The following COL5A1 variants were observed in gnomAD, a reference collection of about 807,000 sequenced individuals.
The protein encoded by COL5A1 is collagen type V alpha 1 chain.
COL5A1 carries 16 observed loss-of-function variants against 263.7 expected under a neutral mutation model. That is an observed-to-expected ratio of 0.06 (90% CI 0.04 to 0.09). The LOEUF (loss-of-function observed/expected upper bound fraction) is 0.09, where lower values mean the gene tolerates loss of function less well. COL5A1 is among the 10% of genes least tolerant of loss of function. COL5A1 has a pLI of 1.00. For missense variants in COL5A1, 2,036 were observed against 2,540.5 expected (o/e 0.80, Z 4.27); for synonymous variants, 1,012 against 1,004.5 (o/e 1.01, Z -0.14).
chr9:134,686,071 C>CATCCTAT lies in COL5A1; in HGVS notation c.110-4841_110-4840insATCCTAT, dbSNP rs1833071537. On this transcript the variant is annotated intron_variant, in intron 1 of 65. Transcript: ENST00000371817. The surrounding 1 kb of genome is among the most constrained non-coding windows in gnomAD (Gnocchi z 4.6). ...TTTATCCACTATCCATCCATTCATC[C>CATCCTAT]GTCCATCCTGCATGTCTGTGTTGAG... 6.6e-6 allele frequency among the ~76,000 whole-genome samples: 1 copy of CATCCTAT among 152,214 alleles called. No individual in the cohort carries two copies. The highest frequency in any genetic ancestry group is 1.9e-4 in the East Asian group (1 of 5,204).
intron 13 of COL5A1, 67 bp from the exon 14 acceptor site, chr9:134,752,522 C>T: frequency 2.4e-6 from 3 of 1,241,544 alleles, no homozygotes; most frequent in Non-Finnish European, 3.6e-6. Context: ...TCTCACGGCT[C>T]AGGCGCCAGC....
At chr9:134,760,339 ACACCCC>A (rs1836312810) in intron 18 of COL5A1, among the ~76,000 whole-genome samples, 1 of 75,470 alleles carries the variant, frequency 1.3e-5, no homozygotes. Flanking sequence ...ACATGCACAC[ACACCCC>A]CACACACCCC....
In COL5A1 at chr9:134,730,060, C is replaced by T. The variant is rs1834821228; in HGVS notation, c.925-176C>T. On this transcript the variant is annotated intron_variant, in intron 6 of 65. Coordinates refer to ENST00000371817, the MANE Select transcript of COL5A1 (RefSeq NM_000093.5). ...GCCTTCTTCCCACTTGCTCTGCCCC[C>T]AAGCCCCATGGATGGGGGCGGCCCC... Among the ~76,000 whole-genome samples the T allele has an allele frequency of 2.0e-5, 3 of 152,182 alleles. No homozygotes were observed. In the South Asian group the frequency reaches 6.2e-4, roughly 31 times the overall value.
chr9:134,720,089 C>T (rs1177793981), intron 4 of COL5A1, among the ~76,000 whole-genome samples: 1 of 152,168 alleles, frequency 6.6e-6, no homozygotes, highest in Non-Finnish European at 1.5e-5. Flanking sequence ...TCCTGGGGTG[C>T]CTCAGTGCCT....
chr9:134,695,169 C>T (rs948385455), intron 2 of COL5A1, among the ~76,000 whole-genome samples: 1 of 152,152 alleles, frequency 6.6e-6, no homozygotes, highest in African/African-American at 2.4e-5. Context: ...TTCCTCCGTA[C>T]CCCTCTTCAG....
rs1409895383 is a variant in COL5A1, at chr9:134,730,414, C to G, written c.1103C>G (p.Thr368Arg). ...GEGEENPDQP[T>R]DPGAGAEIPT... ...GGGGAGGAGAACCCCGACCAGCCCA[C>G]AGACCCAGGCGCTGGGGCCGAAATT... Residue 368 changes from threonine to arginine, a missense_variant, in exon 7 of 66, where the codon ACA (threonine) becomes AGA (arginine). This residue lies in a region of COL5A1 where 600 missense variants were observed against 634.5 expected (regional missense o/e 0.95). Transcript: ENST00000371817. 1 of 1,614,106 alleles carries G rather than the reference C, an allele frequency of 6.2e-7. No individual in the cohort carries two copies. Among genetic ancestry groups the G allele is most frequent in the East Asian group, 2.2e-5 (1 of 44,906 alleles).
rs1345262513 is a variant in COL5A1 at position 134,809,186 on chromosome 9, G to A, written c.3370G>A (p.Glu1124Lys). 8 of 1,579,664 alleles carry A rather than the reference G, an allele frequency of 5.1e-6. No individual in the cohort carries two copies. The highest frequency in any genetic ancestry group is 2.7e-5 in the African/African-American group (2 of 74,272). Residue 1124 changes from glutamate to lysine, a missense_variant, in exon 43 of 66, where the codon GAG becomes AAG. Around this residue, in one of 3 missense-constraint regions of COL5A1, gnomAD observed 1,078 missense variants for 1,521.4 expected, o/e 0.71. Transcript: ENST00000371817. ...TGAGATCTTCTGTATTCTCTAGGGC[G>A]AGAAAGGCCCACAAGGCCCAGCTGG... ...GPAGEKGAPG[E>K]KGPQGPAGRD...
At chr9:134,834,144 TC>T (rs1462161011) in intron 64 of COL5A1, among the ~76,000 whole-genome samples, 1 of 152,046 alleles carries the variant, frequency 6.6e-6, no homozygotes, top group Non-Finnish European at 1.5e-5. Context: ...CTCTAAGACC[TC>T]CTCCTCTCAC....
At chr9:134,759,756 C>G (rs1320726592) in intron 18 of COL5A1, among the ~76,000 whole-genome samples, 1 of 116,876 alleles carries the variant, frequency 8.6e-6, no homozygotes, top group African/African-American at 3.5e-5. Context: ...CACATGCACA[C>G]ACACCCACGC....
chr9:134,682,285 T>C lies in COL5A1; in HGVS notation c.110-8627T>C, dbSNP rs1302901680. Among the ~76,000 whole-genome samples the C allele has an allele frequency of 6.6e-6, 1 of 152,160 alleles. No individual in the cohort carries two copies. The highest frequency in any genetic ancestry group is 2.4e-5 in the African/African-American group (1 of 41,440). On this transcript the variant is annotated intron_variant, in intron 1 of 65. Coordinates refer to ENST00000371817, the MANE Select transcript of COL5A1 (RefSeq NM_000093.5). The surrounding 1 kb of genome is among the most constrained non-coding windows in gnomAD (Gnocchi z 5.1). ...CTAGTGCCTCGCCTTCCCCCAGCCA[T>C]GCTGCCTGGAGGCCGGGTCCTGAGC...
At position 134,817,728 on chromosome 9, in the gene COL5A1, C is replaced by A. The variant is rs542390760; in HGVS notation, c.4177-50C>A. 7.6e-6 allele frequency: 12 copies of A among 1,576,394 alleles called. No homozygotes were observed. The African/African-American group carries it at 1.6e-4, about 21-fold the overall frequency. ...AGCGCCTGCACCCGAGCTCGTCCCT[C>A]CACCCCTGCAGGCCACACTCACCAC... is the stretch of plus-strand genomic sequence containing the variant. On this transcript the variant is annotated intron_variant, in intron 53 of 65. Coordinates refer to ENST00000371817, the MANE Select transcript of COL5A1 (RefSeq NM_000093.5).
In COL5A1 at chr9:134,716,010, ATGT is replaced by A. The variant is rs1834249247; in HGVS notation, c.655-11254_655-11252del. Among the ~76,000 whole-genome samples, 1 of 150,666 alleles carries A rather than the reference ATGT, an allele frequency of 6.6e-6. No homozygotes were observed. Among genetic ancestry groups the A allele is most frequent in the Non-Finnish European group, 1.5e-5 (1 of 67,714 alleles). On this transcript the variant is annotated intron_variant, in intron 4 of 65. Coordinates refer to ENST00000371817, the MANE Select transcript of COL5A1 (RefSeq NM_000093.5). The surrounding 1 kb of genome is among the most constrained non-coding windows in gnomAD (Gnocchi z 4.5). ...GGTGGTGGTGGTGGTGGTGGTGATG[ATGT>A]TAGTAGTGTGTTGGTTCTATGGTTT...
intron 5 of COL5A1, 151 bp downstream of exon 5, chr9:134,727,548 G>A (rs1834706680): frequency 1.2e-6 from 1 of 844,834 alleles, no homozygotes; most frequent in Non-Finnish European, 1.9e-6. Flanking sequence ...TGGGATATCT[G>A]ACTCACTTTA....
chr9:134,648,650 C>G (rs920282070), intron 1 of COL5A1, among the ~76,000 whole-genome samples: 1 of 152,226 alleles, frequency 6.6e-6, no homozygotes, highest in African/African-American at 2.4e-5. Flanking sequence ...CCCTTGCCAC[C>G]AGGGGCCCCA....
intron 4 of COL5A1, among the ~76,000 whole-genome samples, chr9:134,722,029 C>T (rs1834481797): frequency 6.6e-6 from 1 of 152,264 alleles, no homozygotes; most frequent in South Asian, 2.1e-4. Flanking sequence ...TTCTCCTTCT[C>T]CACGGGGGTG....
chr9:134,654,544 TG>T (rs1248139256), intron 1 of COL5A1, among the ~76,000 whole-genome samples: 73 of 99,088 alleles, frequency 7.4e-4, no homozygotes, highest in South Asian at 2.0e-3. Flanking sequence ...TGTGTAGGGC[TG>T]GGTGTGTGTA....
intron 1 of COL5A1, among the ~76,000 whole-genome samples, chr9:134,666,120 AAGAC>A (rs1234028722): frequency 3.3e-5 from 5 of 152,150 alleles, no homozygotes; most frequent in Non-Finnish European, 5.9e-5. Context: ...AAAAAGGACA[AAGAC>A]AGGAAACAAG....
At position 134,738,370 on chromosome 9, in the gene COL5A1, C is replaced by T. The variant is rs1002448975; in HGVS notation, c.1390-104C>T. ...CTCCCCAGGACAGCAGGAGCTGAGC[C>T]AGGGCCTCTTGTGCATGCAGCTGAA... is the stretch of plus-strand genomic sequence containing the variant. On this transcript the variant is annotated intron_variant, in intron 9 of 65. Transcript: ENST00000371817. 4 of 1,304,928 alleles carry T rather than the reference C, an allele frequency of 3.1e-6. No individual in the cohort carries two copies. In the Admixed American group the frequency reaches 5.2e-5, roughly 17 times the overall value. The allele number at this position is 1,304,928 out of a possible 1,614,324, so 80.8% of individuals were successfully genotyped here. A position where few individuals can be genotyped will look rare whatever the true frequency, so the allele number is the denominator to read the frequency against.
intron 24 of COL5A1, among the ~76,000 whole-genome samples, chr9:134,767,766 C>A (rs1344795757): frequency 1.3e-5 from 2 of 152,114 alleles, no homozygotes; most frequent in Non-Finnish European, 2.9e-5. Flanking sequence ...TGTCCTAGGC[C>A]CTGGAACGAG....
Sources: gnomAD v4.1 joint callset for allele counts (sites outside exome capture counted in the v4.1 genomes callset) on GRCh38, gnomAD v4.1.1 for gene constraint, gnomAD v4.1.1 regional missense constraint, Gnocchi (gnomAD v3.1) non-coding constraint, MANE v1.5 for transcripts, NCBI Gene and HGNC (gene_info 2026-07-23, HGNC 2026-07-21) for gene names.